PCYT1A: variants seen among roughly 807,000 people sequenced by gnomAD.
PCYT1A encodes the protein phosphate cytidylyltransferase 1A, choline.
A neutral mutation model predicts 43.7 loss-of-function variants in PCYT1A; 25 were observed. The observed-to-expected ratio is 0.57, with a 90% CI of 0.42 to 0.80. PCYT1A has a LOEUF of 0.80. PCYT1A is among the 30% of genes least tolerant of loss of function. The pLI, the probability that PCYT1A is intolerant of heterozygous loss-of-function variation, is 0.00. For missense variants in PCYT1A, 421 were observed against 474.2 expected (o/e 0.89, Z 1.04); for synonymous variants, 172 against 170.7 (o/e 1.01, Z -0.06).
chr3:196,238,755 C>G lies in PCYT1A; in HGVS notation c.1037G>C (p.Cys346Ser). 1 of 1,590,246 alleles carries G rather than the reference C, an allele frequency of 6.3e-7. No individual in the cohort carries two copies. The highest frequency in any genetic ancestry group is 8.6e-7 in the Non-Finnish European group (1 of 1,169,310). Residue 346 changes from cysteine (C) to serine (S), a missense_variant, in exon 9 of 9, where the codon TGC (cysteine) becomes TCC (serine). Coordinates refer to ENST00000431016, the MANE Select transcript of PCYT1A (RefSeq NM_001312673.2). ...GTGCCTGGAGAGATTTGCTGGGGAG[C>G]AAGGTGGGGAAGTCTTGCCGGAGAA... ...WPFSGKTSPP[C>S]SPANLSRHKA...
intron 1 of PCYT1A, among the ~76,000 whole-genome samples, chr3:196,280,589 T>TTTTTTTTTTTTC (rs1553837246): frequency 6.8e-6 from 1 of 145,988 alleles, no homozygotes; most frequent in African/African-American, 2.6e-5. Flanking sequence ...TTTTTTTTTT[T>TTTTTTTTTTTTC]CTGAATATTT....
rs1037687987 is a variant in PCYT1A at position 196,282,818 on chromosome 3, C to G, written c.-11+4797G>C. 5.9e-5 allele frequency among the ~76,000 whole-genome samples: 9 copies of G among 152,008 alleles called. No homozygotes were observed. Among genetic ancestry groups the G allele is most frequent in the African/African-American group, 2.2e-4 (9 of 41,392 alleles). On this transcript the variant is annotated intron_variant, in intron 1 of 8. Coordinates refer to ENST00000431016, the MANE Select transcript of PCYT1A (RefSeq NM_001312673.2). This position sits in a 1 kb window ranked among gnomAD's most constrained non-coding sequence, Gnocchi z 4.3. ...AATTTTCTGTATATAAAAAAACTAC[C>G]TGTTTTTTATTAAGGGTCATATGCT...
chr3:196,286,996 G>C (rs1725932850), intron 1 of PCYT1A, among the ~76,000 whole-genome samples: 1 of 152,184 alleles, frequency 6.6e-6, no homozygotes, highest in Non-Finnish European at 1.5e-5. Context: ...CCATAGTGTG[G>C]GAGGCATTAA....
chr3:196,272,401 G>A (rs1265277279), intron 1 of PCYT1A, among the ~76,000 whole-genome samples: 1 of 152,170 alleles, frequency 6.6e-6, no homozygotes, highest in Non-Finnish European at 1.5e-5. Context: ...GGCCAGGCTG[G>A]TCTCGAACAC....
At chr3:196,257,684 A>T in intron 3 of PCYT1A, 104 bp downstream of exon 3, 1 of 698,450 alleles carries the variant, frequency 1.4e-6, no homozygotes. Flanking sequence ...TGGCCTTTGC[A>T]AGTAAACAGA....
rs111342123 is a variant in PCYT1A at position 196,273,974 on chromosome 3, G to A, written c.-10-3433C>T. 2.0e-5 allele frequency among the ~76,000 whole-genome samples: 3 copies of A among 152,370 alleles called. No individual in the cohort carries two copies. Among genetic ancestry groups the A allele is most frequent in the South Asian group, 2.1e-4 (1 of 4,834 alleles). ...CGAAGGGGCGCCTGCAGGCCTGAAT[G>A]GAGCTGCTCTCAGCTCCGCCTTGGC... On this transcript the variant is annotated intron_variant, in intron 1 of 8. Transcript: ENST00000431016. The surrounding 1 kb of genome is among the most constrained non-coding windows in gnomAD (Gnocchi z 4.1).
chr3:196,234,544 ACT>A lies in PCYT1A; in HGVS notation c.*4142_*4143del, dbSNP rs1724112925. On this transcript the variant is annotated 3_prime_UTR_variant, in exon 9 of 9. Transcript: ENST00000431016. Reference sequence around the variant, plus strand: ...GACGAAGCCAGCAGTCCTTTCCAAGACTCTTTTGTCTTTTAGGGATCCTCAAT... The same window carrying A: ...GACGAAGCCAGCAGTCCTTTCCAAGACTTTTGTCTTTTAGGGATCCTCAAT... The A allele has an allele frequency of 6.6e-6, 1 of 151,982 alleles. No individual in the cohort carries two copies. The highest frequency in any genetic ancestry group is 6.6e-5 in the Admixed American group (1 of 15,252). The allele number at this position is 151,982 out of a possible 1,614,324, so 9.4% of individuals were successfully genotyped here.
At chr3:196,276,298 T>C (rs965771837) in intron 1 of PCYT1A, among the ~76,000 whole-genome samples, 12 of 151,770 alleles carry the variant, frequency 7.9e-5, no homozygotes, top group Admixed American at 5.9e-4. Context: ...AAACAACTAT[T>C]ATTTATCAAT....
chr3:196,248,981 C>T (rs1160067997), intron 3 of PCYT1A, among the ~76,000 whole-genome samples: 1 of 149,710 alleles, frequency 6.7e-6, no homozygotes, highest in African/African-American at 2.5e-5. Context: ...AGGATGGTCT[C>T]GATCTCCTGA....
Position 196,247,628 on chromosome 3 carries a change from C to T in PCYT1A, c.335-110G>A. 1.8e-6 allele frequency: 2 copies of T among 1,096,574 alleles called. No homozygotes were observed. Among genetic ancestry groups the T allele is most frequent in the Non-Finnish European group, 2.8e-6 (2 of 722,330 alleles). The allele number at this position is 1,096,574 out of a possible 1,614,324, so 67.9% of individuals were successfully genotyped here. A position where few individuals can be genotyped will look rare whatever the true frequency, so the allele number is the denominator to read the frequency against. The stretch of plus-strand genomic sequence containing the variant: ...CTGCTTAGGACTGCAACCATCTTCC[C>T]CAACTGGAAAAAAGTCTTCTAAAGG... On this transcript the variant is annotated intron_variant, in intron 4 of 8. Coordinates refer to ENST00000431016, the MANE Select transcript of PCYT1A (RefSeq NM_001312673.2). The surrounding 1 kb of genome is among the most constrained non-coding windows in gnomAD (Gnocchi z 4.8).
At chr3:196,243,835 G>A (rs1724450663) in intron 5 of PCYT1A, among the ~76,000 whole-genome samples, 1 of 152,286 alleles carries the variant, frequency 6.6e-6, no homozygotes, top group African/African-American at 2.4e-5. Context: ...TTCACTCAGT[G>A]CTCAATGCTG....
intron 1 of PCYT1A, among the ~76,000 whole-genome samples, chr3:196,274,352 T>C (rs1725526995): frequency 6.6e-6 from 1 of 152,168 alleles, no homozygotes; most frequent in South Asian, 2.1e-4. Flanking sequence ...GCACAGACCA[T>C]GCCTCCCCGA....
At chr3:196,274,968 C>T (rs934819618) in intron 1 of PCYT1A, among the ~76,000 whole-genome samples, 1 of 152,156 alleles carries the variant, frequency 6.6e-6, no homozygotes, top group Admixed American at 6.5e-5. Flanking sequence ...CACTATTGTT[C>T]TTAATGATTC....
At position 196,242,469 on chromosome 3, in the gene PCYT1A, A is replaced by C. The variant is rs1429102764; in HGVS notation, c.565+93T>G. 5.8e-6 allele frequency: 5 copies of C among 867,582 alleles called. No individual in the cohort carries two copies. 53.7% of individuals were successfully genotyped at this position (867,582 alleles called of 1,614,324 possible). On this transcript the variant is annotated intron_variant, in intron 6 of 8. Coordinates refer to ENST00000431016, the MANE Select transcript of PCYT1A (RefSeq NM_001312673.2). This position sits in a 1 kb window ranked among gnomAD's most constrained non-coding sequence, Gnocchi z 4.2. The stretch of plus-strand genomic sequence containing the variant: ...GCCTGAAAGAGGATGTTGAATTTCT[A>C]ATGTACACATTTTCCTCTGTAAAGC...
In PCYT1A at chr3:196,241,484, T is replaced by C. The variant is rs1050273448; in HGVS notation, c.708+464A>G. ...ATGAACTACCATGCCCAGAAAAATA[T>C]ATAGAGTTTCTAAAAGGCAATATTA... On this transcript the variant is annotated intron_variant, in intron 7 of 8. Coordinates refer to ENST00000431016, the MANE Select transcript of PCYT1A (RefSeq NM_001312673.2). The C allele has an allele frequency of 1.6e-5, 21 of 1,284,988 alleles. No individual in the cohort carries two copies. The Admixed American group carries it at 4.4e-4, about 27-fold the overall frequency. 79.6% of individuals were successfully genotyped at this position (1,284,988 alleles called of 1,614,324 possible). A position where few individuals can be genotyped will look rare whatever the true frequency, so the allele number is the denominator to read the frequency against.
intron 3 of PCYT1A, among the ~76,000 whole-genome samples, chr3:196,249,154 AT>A (rs1245573310): frequency 4.1e-5 from 6 of 147,172 alleles, no homozygotes; most frequent in Non-Finnish European, 3.0e-5. Flanking sequence ...AGACCTTTTC[AT>A]TTTTTTTTTG....
chr3:196,267,839 G>A (rs1038907894), intron 2 of PCYT1A, among the ~76,000 whole-genome samples: 1 of 152,154 alleles, frequency 6.6e-6, no homozygotes, highest in African/African-American at 2.4e-5. Flanking sequence ...CAATAAAGCT[G>A]TTAAAAAAAG....
chr3:196,258,263 C>T (rs896299685), intron 2 of PCYT1A, among the ~76,000 whole-genome samples: 4 of 150,276 alleles, frequency 2.7e-5, no homozygotes, highest in African/African-American at 9.8e-5. Flanking sequence ...TCCAGCCTAG[C>T]CCACAGGGCA....
chr3:196,275,664 C>T (rs1479409305), intron 1 of PCYT1A, among the ~76,000 whole-genome samples: 1 of 151,390 alleles, frequency 6.6e-6, no homozygotes, highest in East Asian at 1.9e-4. Context: ...ACCCAGGAGA[C>T]AGAGGTTGCA....
Sources: gnomAD v4.1 joint callset for allele counts (sites outside exome capture counted in the v4.1 genomes callset) on GRCh38, gnomAD v4.1.1 for gene constraint, Gnocchi (gnomAD v3.1) non-coding constraint, MANE v1.5 for transcripts, NCBI Gene and HGNC (gene_info 2026-07-23, HGNC 2026-07-21) for gene names.